Variants in B3GALT1 observed in about 807,000 individuals in gnomAD.
B3GALT1 encodes the protein beta-1,3-galactosyltransferase 1.
B3GALT1 carries 10 observed loss-of-function variants against 23.2 expected under a neutral mutation model. That is an observed-to-expected ratio of 0.43 (90% confidence interval 0.27 to 0.73). The LOEUF is 0.73. B3GALT1 is among the 30% of genes least tolerant of loss of function. B3GALT1 has a pLI of 0.21. For synonymous variants in B3GALT1, 156 were observed against 141.5 expected, an observed-to-expected ratio of 1.10 and a Z score of -0.73; for missense variants, 299 against 405.4, an observed-to-expected ratio of 0.74 and a Z score of 2.25.
intron 2 of B3GALT1, among the ~76,000 whole-genome samples, chr2:167,565,374 T>G (rs566744630): frequency 1.3e-5 from 2 of 152,304 alleles, no homozygotes; most frequent in African/African-American, 4.8e-5. Flanking sequence ...GATTAAAGAC[T>G]TAAACGTCAG....
At chr2:167,858,733 T>C (rs920233138) in intron 4 of B3GALT1, among the ~76,000 whole-genome samples, 30 of 152,170 alleles carry the variant, frequency 2.0e-4, no homozygotes, top group Non-Finnish European at 4.4e-5. Flanking sequence ...AGCAGCTACA[T>C]AAAATTATGT....
At chr2:167,450,628 C>A (rs1210920863) in intron 1 of B3GALT1, among the ~76,000 whole-genome samples, 1 of 152,154 alleles carries the variant, frequency 6.6e-6, no homozygotes, top group African/African-American at 2.4e-5. Context: ...TCTTAAGATT[C>A]TTTCCTTCAT....
intron 2 of B3GALT1, among the ~76,000 whole-genome samples, chr2:167,592,813 C>T (rs1303621002): frequency 6.6e-6 from 1 of 151,948 alleles, no homozygotes; most frequent in Non-Finnish European, 1.5e-5. Flanking sequence ...AAGACATTTG[C>T]AAGATATATT....
intron 2 of B3GALT1, among the ~76,000 whole-genome samples, chr2:167,536,986 G>T (rs1414302447): frequency 1.3e-5 from 2 of 152,062 alleles, no homozygotes; most frequent in Non-Finnish European, 2.9e-5. Context: ...ACTAAAAGTC[G>T]CAGATCCCTG....
At chr2:167,699,064 A>C (rs1025105383) in intron 3 of B3GALT1, among the ~76,000 whole-genome samples, 1 of 152,230 alleles carries the variant, frequency 6.6e-6, no homozygotes, top group African/African-American at 2.4e-5. Flanking sequence ...TATTTTATTC[A>C]ATATCTAAAG....
intron 2 of B3GALT1, among the ~76,000 whole-genome samples, chr2:167,528,254 T>G (rs1683255474): frequency 6.6e-6 from 1 of 152,170 alleles, no homozygotes; most frequent in African/African-American, 2.4e-5. Context: ...CTCCACTCTA[T>G]TGCAAGAAAA....
chr2:167,563,897 G>A (rs1256078382), intron 2 of B3GALT1, among the ~76,000 whole-genome samples: 602 of 3,748 alleles, frequency 0.16, 2 homozygotes, highest in East Asian at 0.32. Context: ...GCGGCCGGCC[G>A]GGCGGGGCCG....
chr2:167,745,498 T>C (rs571385845), intron 3 of B3GALT1, among the ~76,000 whole-genome samples: 2 of 152,338 alleles, frequency 1.3e-5, no homozygotes, highest in African/African-American at 4.8e-5. Flanking sequence ...AACTCCATTT[T>C]GTTGTTTGCT....
intron 2 of B3GALT1, among the ~76,000 whole-genome samples, chr2:167,564,497 G>A (rs1037826103): frequency 2.0e-5 from 3 of 152,180 alleles, no homozygotes; most frequent in African/African-American, 4.8e-5. Flanking sequence ...GGCACCCTGG[G>A]AGGCCAAGGC....
At chr2:167,556,813 C>T (rs967612928) in intron 2 of B3GALT1, among the ~76,000 whole-genome samples, 3 of 152,270 alleles carry the variant, frequency 2.0e-5, no homozygotes, top group South Asian at 2.1e-4. Context: ...GAAAAATTGT[C>T]TTCTTGTGGA....
chr2:167,821,174 T>C (rs1431141803), intron 4 of B3GALT1, among the ~76,000 whole-genome samples: 2 of 152,224 alleles, frequency 1.3e-5, no homozygotes, highest in African/African-American at 2.4e-5. Flanking sequence ...TTGAATCATA[T>C]GTAATACTGT....
At chr2:167,819,345 T>A (rs1689060351) in intron 4 of B3GALT1, among the ~76,000 whole-genome samples, 1 of 152,180 alleles carries the variant, frequency 6.6e-6, no homozygotes, top group African/African-American at 2.4e-5. Context: ...ATAATAGGAT[T>A]TTGCATAGAA....
chr2:167,509,223 TTAAAA>T (rs1699967993), intron 2 of B3GALT1, among the ~76,000 whole-genome samples: 1 of 152,124 alleles, frequency 6.6e-6, no homozygotes, highest in Non-Finnish European at 1.5e-5. Context: ...AGTAATTAAT[TTAAAA>T]TAAAGTAAAA....
At chr2:167,446,547 G>T (rs1574082490) in intron 1 of B3GALT1, among the ~76,000 whole-genome samples, 1 of 152,192 alleles carries the variant, frequency 6.6e-6, no homozygotes, top group East Asian at 1.9e-4. Context: ...ATATTTCTTG[G>T]AGGCTTTGTT....
chr2:167,736,152 C>A (rs1309274024), intron 3 of B3GALT1, among the ~76,000 whole-genome samples: 1 of 152,180 alleles, frequency 6.6e-6, no homozygotes, highest in Non-Finnish European at 1.5e-5. Context: ...TCCACAGCGT[C>A]AATCCCAAAT....
chr2:167,632,373 G>A (rs1388158278), intron 2 of B3GALT1, among the ~76,000 whole-genome samples: 1 of 152,086 alleles, frequency 6.6e-6, no homozygotes, highest in Non-Finnish European at 1.5e-5. Context: ...TAGCCACACT[G>A]TCTTCCACAA....
chr2:167,574,179 C>T (rs1195209309), intron 2 of B3GALT1, among the ~76,000 whole-genome samples: 1 of 151,500 alleles, frequency 6.6e-6, no homozygotes. Flanking sequence ...TACTATAATA[C>T]TATATTAAAA....
chr2:167,521,984 G>GTGTA (rs1553464197), intron 2 of B3GALT1, among the ~76,000 whole-genome samples: 144 of 122,630 alleles, frequency 1.2e-3, no homozygotes, highest in African/African-American at 4.0e-3. Context: ...GTGTGTGTGT[G>GTGTA]TATATATATA....
chr2:167,447,426 C>CA (rs1699017582), intron 1 of B3GALT1, among the ~76,000 whole-genome samples: 1 of 152,230 alleles, frequency 6.6e-6, no homozygotes, highest in Non-Finnish European at 1.5e-5. Context: ...GAAGTTTCTG[C>CA]TACCTTTTGT....
Sources: gnomAD v4.1 joint callset for allele counts (sites outside exome capture counted in the v4.1 genomes callset) on GRCh38, gnomAD v4.1.1 for gene constraint, MANE v1.5 for transcripts, NCBI Gene and HGNC (gene_info 2026-07-23, HGNC 2026-07-21) for gene names.